The following GALNT17 variants were observed in gnomAD, a reference collection of about 807,000 sequenced individuals.
GALNT17 encodes polypeptide N-acetylgalactosaminyltransferase 17.
In GALNT17, 29 loss-of-function variants were observed where a neutral mutation model predicts 63.7. That is an observed-to-expected ratio of 0.46 (90% CI 0.34 to 0.62). The LOEUF is 0.62. Among genes scored for constraint, GALNT17 ranks in the 20% least tolerant of loss-of-function variants. The probability of loss-of-function intolerance (pLI) is 0.01; values close to 1 mark genes in which losing one functional copy is unlikely to be tolerated. For missense variants in GALNT17, 603 were observed against 799.6 expected (o/e 0.75, Z 2.97); for synonymous variants, 305 against 318.3 (o/e 0.96, Z 0.45).
In GALNT17 at chr7:71,362,370, A is replaced by G. The variant is rs548606197; in HGVS notation, c.423-25865A>G. Among the ~76,000 whole-genome samples, 11 of 152,234 alleles carry G rather than the reference A, an allele frequency of 7.2e-5. No homozygotes were observed. The East Asian group carries it at 2.1e-3, about 29-fold the overall frequency. ...TGATTCAAAGACTACATTTCCCCCAACATATTACACCAAATGTACTTAACA... is the reference window on the plus strand; with the variant it reads ...TGATTCAAAGACTACATTTCCCCCAGCATATTACACCAAATGTACTTAACA... On this transcript the variant is annotated intron_variant, in intron 2 of 10. Coordinates refer to ENST00000333538, the MANE Select transcript of GALNT17 (RefSeq NM_022479.3).
At chr7:71,259,638 G>GTTTTTTTTTTTTTTTTTTT (rs1219751607) in intron 1 of GALNT17, among the ~76,000 whole-genome samples, 1 of 137,970 alleles carries the variant, frequency 7.2e-6, no homozygotes, top group Non-Finnish European at 1.5e-5. Flanking sequence ...TTTGTTTTTT[G>GTTTTTTTTTTTTTTTTTTT]TTTTTTTGTT....
intron 6 of GALNT17, among the ~76,000 whole-genome samples, chr7:71,610,743 T>TG (rs1210143582): frequency 6.6e-6 from 1 of 151,862 alleles, no homozygotes; most frequent in Non-Finnish European, 1.5e-5. Flanking sequence ...GCCTGCACTT[T>TG]GGGAGGCTGA....
intron 1 of GALNT17, among the ~76,000 whole-genome samples, chr7:71,217,280 TTTTC>T (rs1789502969): frequency 6.6e-6 from 1 of 151,982 alleles, no homozygotes; most frequent in African/African-American, 2.4e-5. Context: ...CGGTGCTTTT[TTTTC>T]TTTCTTTTTT....
intron 2 of GALNT17, among the ~76,000 whole-genome samples, chr7:71,346,746 TG>T (rs1204669323): frequency 1.6e-3 from 2 of 1,290 alleles, no homozygotes; most frequent in Admixed American, 8.9e-3. Flanking sequence ...TCTTGCCTGT[TG>T]GGGGGGCGGG....
chr7:71,378,672 G>T (rs1210573849), intron 2 of GALNT17, among the ~76,000 whole-genome samples: 1 of 152,064 alleles, frequency 6.6e-6, no homozygotes, highest in Non-Finnish European at 1.5e-5. Flanking sequence ...CAAGCATTCT[G>T]CCAGGCTCTA....
intron 1 of GALNT17, among the ~76,000 whole-genome samples, chr7:71,186,484 G>A (rs1041209954): frequency 6.6e-6 from 1 of 152,186 alleles, no homozygotes; most frequent in Non-Finnish European, 1.5e-5. Context: ...CTCTTCTTTG[G>A]ACACTTCATG....
intron 1 of GALNT17, among the ~76,000 whole-genome samples, chr7:71,148,860 T>G (rs7776886): frequency 1.5e-4 from 15 of 103,270 alleles, no homozygotes; most frequent in Admixed American, 3.2e-4. Flanking sequence ...TATGGTATTT[T>G]TATATATATA....
At chr7:71,159,803 A>T (rs1440083021) in intron 1 of GALNT17, among the ~76,000 whole-genome samples, 2 of 150,758 alleles carry the variant, frequency 1.3e-5, no homozygotes, top group Non-Finnish European at 2.9e-5. Context: ...TTTTTTTGAG[A>T]TGGAGTCTCA....
chr7:71,319,431 C>T (rs1463870422), intron 1 of GALNT17, among the ~76,000 whole-genome samples: 2 of 152,026 alleles, frequency 1.3e-5, no homozygotes, highest in Non-Finnish European at 2.9e-5. Context: ...CTGATTCTAT[C>T]AGTTGGTGTG....
chr7:71,294,479 G>T (rs1229853977), intron 1 of GALNT17, among the ~76,000 whole-genome samples: 1 of 143,778 alleles, frequency 7.0e-6, no homozygotes, highest in Non-Finnish European at 1.5e-5. Flanking sequence ...CAGTGGTGTG[G>T]TCTTGGCTCA....
intron 5 of GALNT17, among the ~76,000 whole-genome samples, chr7:71,563,426 G>A (rs1789288224): frequency 6.6e-6 from 1 of 152,162 alleles, no homozygotes; most frequent in Non-Finnish European, 1.5e-5. Flanking sequence ...GATGGGATGG[G>A]TGGTAGCTTC....
At chr7:71,289,080 C>T (rs1389889340) in intron 1 of GALNT17, among the ~76,000 whole-genome samples, 24 of 151,608 alleles carry the variant, frequency 1.6e-4, no homozygotes, top group Admixed American at 1.4e-3. Context: ...GGTACCAACT[C>T]TCACAGTCAA....
chr7:71,369,706 G>A (rs987801981), intron 2 of GALNT17, among the ~76,000 whole-genome samples: 1 of 151,604 alleles, frequency 6.6e-6, no homozygotes, highest in Non-Finnish European at 1.5e-5. Flanking sequence ...CCAGCTACTC[G>A]GGAGGCTGCG....
intron 1 of GALNT17, among the ~76,000 whole-genome samples, chr7:71,241,057 G>T (rs1037588625): frequency 2.4e-4 from 36 of 152,200 alleles, no homozygotes; most frequent in African/African-American, 8.0e-4. Context: ...GGATCAGATA[G>T]TTCTGTTGCT....
intron 5 of GALNT17, among the ~76,000 whole-genome samples, chr7:71,483,567 A>AT (rs1040162767): frequency 2.7e-5 from 4 of 149,316 alleles, no homozygotes; most frequent in Non-Finnish European, 5.9e-5. Flanking sequence ...AGGCTACGCT[A>AT]TTTTTTTTGA....
intron 1 of GALNT17, among the ~76,000 whole-genome samples, chr7:71,139,717 G>T (rs566810160): frequency 6.6e-6 from 1 of 152,260 alleles, no homozygotes; most frequent in South Asian, 2.1e-4. Flanking sequence ...TGGTGGCCGG[G>T]CACGGTGGCT....
At chr7:71,279,719 C>T (rs138977764) in intron 1 of GALNT17, among the ~76,000 whole-genome samples, 1 of 151,520 alleles carries the variant, frequency 6.6e-6, no homozygotes, top group Non-Finnish European at 1.5e-5. Context: ...CTTTTACAGA[C>T]TTGAGCATGG....
intron 1 of GALNT17, among the ~76,000 whole-genome samples, chr7:71,298,744 A>G (rs533663364): frequency 2.0e-4 from 30 of 148,220 alleles, no homozygotes; most frequent in Non-Finnish European, 4.2e-4. Context: ...GTGTGTATGT[A>G]TGTGTGTGAA....
At chr7:71,663,555 C>T (rs1219568691) in intron 6 of GALNT17, among the ~76,000 whole-genome samples, 1 of 152,176 alleles carries the variant, frequency 6.6e-6, no homozygotes, top group South Asian at 2.1e-4. Context: ...TGTCCTGTCC[C>T]AGATCAAAGA....
Sources: allele counts gnomAD v4.1 joint callset (sites outside exome capture counted in the v4.1 genomes callset), GRCh38; gene constraint gnomAD v4.1.1; transcripts MANE v1.5; gene names NCBI Gene and HGNC (gene_info 2026-07-23, HGNC 2026-07-21).